ATAD2B: variants seen among roughly 807,000 people sequenced by gnomAD.
The protein encoded by ATAD2B is ATPase family AAA domain-containing protein 2B.
A neutral mutation model predicts 167.6 loss-of-function variants in ATAD2B; 40 were observed. The observed-to-expected ratio is 0.24, with a 90% confidence interval of 0.19 to 0.31. The LOEUF (loss-of-function observed/expected upper bound fraction) is 0.31. ATAD2B is among the 10% of genes least tolerant of loss of function. The pLI is 1.00. For missense variants in ATAD2B, 1,242 were observed against 1,757.2 expected (o/e 0.71, Z 5.24); for synonymous variants, 579 against 596.5 (o/e 0.97, Z 0.43).
At chr2:23,794,928 A>C (rs961737017) in intron 19 of ATAD2B, among the ~76,000 whole-genome samples, 2 of 152,198 alleles carry the variant, frequency 1.3e-5, no homozygotes, top group South Asian at 4.1e-4. Context: ...TTGAACTACA[A>C]GAGAGGGATA....
At chr2:23,692,323 T>A in the ATAD2B span, among the ~76,000 whole-genome samples, 1 of 152,210 alleles carries the variant, frequency 6.6e-6, no homozygotes, top group Admixed American at 6.5e-5. Context: ...GAACTGTCCC[T>A]TGAGTACCCA....
At chr2:23,886,281 A>G (rs1361343330) in intron 4 of ATAD2B, among the ~76,000 whole-genome samples, 1 of 152,150 alleles carries the variant, frequency 6.6e-6, no homozygotes, top group Admixed American at 6.5e-5. Context: ...ATCCATCAAC[A>G]GAATACAGTG....
At chr2:23,834,613 T>C (rs1689633128) in intron 13 of ATAD2B, among the ~76,000 whole-genome samples, 2 of 152,036 alleles carry the variant, frequency 1.3e-5, no homozygotes, top group South Asian at 4.1e-4. Flanking sequence ...TTCATCAAAA[T>C]TAAAAACTTT....
chr2:23,812,584 C>T (rs931510572), intron 17 of ATAD2B, among the ~76,000 whole-genome samples: 1 of 152,032 alleles, frequency 6.6e-6, no homozygotes, highest in African/African-American at 2.4e-5. Context: ...TGCTACCAGC[C>T]GGGCACAGTG....
In ATAD2B at chr2:23,762,277, T is replaced by C. The variant is rs1676844689; in HGVS notation, c.3326A>G (p.Glu1109Gly). ...TGARKTETRVEEAFRHKQRNP... is the reference protein window; with the variant it reads ...TGARKTETRVGEAFRHKQRNP... The stretch of plus-strand genomic sequence containing the variant: ...TCTTTGTTTGTGCCGAAATGCCTCT[T>C]CGACTCTAGTTTCTGTCTTCCGAGC... Residue 1109 changes from glutamate (E) to glycine (G), a missense_variant, in exon 24 of 28, where the codon GAA (glutamate) becomes GGA (glycine). By Grantham distance (98) the Glu-to-Gly change is moderately conservative. Around this residue, in one of 9 missense-constraint regions of ATAD2B, gnomAD observed 204 missense variants for 324.0 expected, o/e 0.63. Coordinates refer to ENST00000238789, the MANE Select transcript of ATAD2B (RefSeq NM_017552.4). 1 of 1,613,556 alleles carries C rather than the reference T, an allele frequency of 6.2e-7. No homozygotes were observed. The highest frequency in any genetic ancestry group is 1.3e-5 in the African/African-American group (1 of 74,898).
At chr2:23,872,878 GTGCC>G (rs918884168) in intron 8 of ATAD2B, 14 of 821,576 alleles carry the variant, frequency 1.7e-5, no homozygotes, top group Non-Finnish European at 2.6e-5. Context: ...CCATCTCACA[GTGCC>G]TGCCTGCCTG....
intron 15 of ATAD2B, 100 bp downstream of exon 15, chr2:23,828,749 T>C: frequency 1.4e-6 from 1 of 723,558 alleles, no homozygotes. Context: ...TATTGCACAA[T>C]CAAAAACATA....
chr2:23,699,774 C>T, the ATAD2B span, among the ~76,000 whole-genome samples: 1 of 152,194 alleles, frequency 6.6e-6, no homozygotes, highest in African/African-American at 2.4e-5. Flanking sequence ...GAAGGGAAGG[C>T]CCCCATCCTC....
In ATAD2B at chr2:23,884,820, T is replaced by C; in HGVS notation, c.729A>G (p.Arg243=). The change falls in exon 6 of 28, where the codon AGA becomes AGG. Residue 243 remains arginine (R), a synonymous_variant. Coordinates refer to ENST00000238789, the MANE Select transcript of ATAD2B (RefSeq NM_017552.4). ...GATGATTTTGTATCCCATAACTATT[T>C]CTTCTTAGTGACTTTCTTCGCCTTT... ...RVKRRRKSLR[R]NSYGIQNHHE... The C allele has an allele frequency of 6.2e-7, 1 of 1,601,990 alleles. No individual in the cohort carries two copies. Among genetic ancestry groups the C allele is most frequent in the South Asian group, 1.1e-5 (1 of 88,798 alleles).
At chr2:23,834,152 CTTTTTTTTTTTTTTTT>C (rs11378615) in intron 13 of ATAD2B, 74 bp from the exon 14 acceptor site, 6 of 119,618 alleles carry the variant, frequency 5.0e-5, no homozygotes, top group Non-Finnish European at 7.1e-5. Flanking sequence ...ATCAGTCTTT[CTTTTTTTTTTTTTTTT>C]TTTTTTTTTT....
intron 12 of ATAD2B, among the ~76,000 whole-genome samples, chr2:23,861,702 C>T (rs1193292991): frequency 1.3e-5 from 2 of 152,104 alleles, no homozygotes; most frequent in African/African-American, 4.8e-5. Flanking sequence ...TAAATTAAAT[C>T]ATTGAATAAT....
At chr2:23,813,775 T>C (rs1027447807) in intron 17 of ATAD2B, among the ~76,000 whole-genome samples, 1 of 151,776 alleles carries the variant, frequency 6.6e-6, no homozygotes, top group Non-Finnish European at 1.5e-5. Flanking sequence ...GGAAGAGAAA[T>C]GGATAATAAA....
At chr2:23,883,299 A>C (rs1007139509) in intron 6 of ATAD2B, among the ~76,000 whole-genome samples, 14 of 150,984 alleles carry the variant, frequency 9.3e-5, no homozygotes, top group Non-Finnish European at 2.1e-4. Flanking sequence ...AAAAAAAAAA[A>C]ACCTGCCAAG....
the ATAD2B span, among the ~76,000 whole-genome samples, chr2:23,721,393 T>G: frequency 6.6e-6 from 1 of 151,870 alleles, no homozygotes; most frequent in Non-Finnish European, 1.5e-5. Flanking sequence ...AACAGCTCCA[T>G]AGGCTGCCCC....
the ATAD2B span, among the ~76,000 whole-genome samples, chr2:23,742,859 A>G: frequency 6.6e-6 from 1 of 152,188 alleles, no homozygotes; most frequent in African/African-American, 2.4e-5. Flanking sequence ...TAAAAGTGAA[A>G]AATTCACTCA....
the ATAD2B span, chr2:23,695,501 A>C: frequency 4.2e-6 from 3 of 716,388 alleles, no homozygotes; most frequent in Non-Finnish European, 6.8e-6. This position sits in a 1 kb window ranked among gnomAD's most constrained non-coding sequence, Gnocchi z 7.6. Context: ...GAGTATCTAC[A>C]CTCCCAAGCC....
chr2:23,910,750 T>TC (rs1702174887), intron 1 of ATAD2B, among the ~76,000 whole-genome samples: 1 of 151,570 alleles, frequency 6.6e-6, no homozygotes, highest in Non-Finnish European at 1.5e-5. Context: ...CGCCTGTAGT[T>TC]CCAGCTACTT....
At chr2:23,790,688 A>T (rs1464995925) in intron 19 of ATAD2B, among the ~76,000 whole-genome samples, 1 of 152,134 alleles carries the variant, frequency 6.6e-6, no homozygotes, top group Non-Finnish European at 1.5e-5. Flanking sequence ...TCCCAGAACA[A>T]ATCACGCTCT....
chr2:23,819,938 C>T, intron 16 of ATAD2B, 56 bp from the exon 17 acceptor site: 1 of 1,309,156 alleles, frequency 7.6e-7, no homozygotes, highest in Non-Finnish European at 1.0e-6. Flanking sequence ...AATATTCGTG[C>T]CCTACCAAAG....
Sources: gnomAD v4.1 joint callset for allele counts (sites outside exome capture counted in the v4.1 genomes callset) on GRCh38, gnomAD v4.1.1 for gene constraint, gnomAD v4.1.1 regional missense constraint, Gnocchi (gnomAD v3.1) non-coding constraint, MANE v1.5 for transcripts, NCBI Gene and HGNC (gene_info 2026-07-23, HGNC 2026-07-21) for gene names.